The following PHF8 variants were observed in gnomAD, a reference collection of about 807,000 sequenced individuals.
PHF8 encodes histone lysine demethylase PHF8.
In PHF8, 9 loss-of-function variants were observed where a neutral mutation model predicts 74.4. The ratio of observed to expected loss-of-function variants is 0.12; its 90% CI spans 0.07 to 0.21. PHF8 has a LOEUF of 0.21. Ranked by LOEUF, PHF8 falls within the 10% of genes least tolerant of loss-of-function variation. The pLI is 1.00. For missense variants in PHF8, 478 were observed against 816.6 expected (o/e 0.59, Z 5.05); for synonymous variants, 311 against 316.6 (o/e 0.98, Z 0.19).
chrX:53,984,029 G>T (rs1312682038), intron 18 of PHF8, among the ~76,000 whole-genome samples: 1 of 112,370 alleles, frequency 8.9e-6, no homozygotes, highest in Non-Finnish European at 1.9e-5. Flanking sequence ...TTCTAATTTT[G>T]GTCAATAAGC....
chrX:54,032,700 TC>T (rs1330866085), intron 2 of PHF8, among the ~76,000 whole-genome samples: 20 of 109,554 alleles, frequency 1.8e-4, no homozygotes, highest in Admixed American at 9.9e-4. Context: ...CACTGCCGTA[TC>T]CCCCCTCCCC....
chrX:54,042,774 G>A lies in PHF8; in HGVS notation c.-46C>T. ...TTCTGCGGCCGGCCAGGTTCGTCGT[G>A]TCAAGAGGGGCGGGAGGCGGCAGCA... On this transcript the variant is annotated 5_prime_UTR_variant, in exon 2 of 22. Coordinates refer to ENST00000338154, the MANE Select transcript of PHF8 (RefSeq NM_015107.3). 8.4e-7 allele frequency: 1 copy of A among 1,188,159 alleles called. No homozygotes were observed. Among genetic ancestry groups the A allele is most frequent in the Non-Finnish European group, 1.1e-6 (1 of 881,829 alleles).
chrX:54,044,886 T>C, upstream of PHF8: 2 of 1,156,361 alleles, frequency 1.7e-6, no homozygotes, highest in South Asian at 3.8e-5. Flanking sequence ...GCGGCTCCTG[T>C]TCATTGAGCA....
chrX:53,974,159 G>A (rs921144866), intron 18 of PHF8, among the ~76,000 whole-genome samples: 1 of 110,643 alleles, frequency 9.0e-6, no homozygotes, highest in Non-Finnish European at 1.9e-5. Context: ...CCAGCTACTC[G>A]GGAGGCTGAG....
rs782191290 is a variant in PHF8, at chrX:53,960,007, G to C, written c.2539+2837C>G. ...ACGAAAACTATGAGGTTGTCTCTTG[G>C]GAACGGGATTGCAGGTGGGGAAAGT... On this transcript the variant is annotated intron_variant, in intron 19 of 21. Coordinates refer to ENST00000338154, the MANE Select transcript of PHF8 (RefSeq NM_015107.3). 8.4e-4 allele frequency among the ~76,000 whole-genome samples: 93 copies of C among 110,694 alleles called. 1 individual carries two copies. The highest frequency in any genetic ancestry group is 3.0e-3 in the African/African-American group (91 of 30,486).
intron 8 of PHF8, 46 bp from the exon 9 acceptor site, chrX:54,002,728 T>A: frequency 1.2e-6 from 1 of 859,189 alleles, no homozygotes; most frequent in East Asian, 3.1e-5. Flanking sequence ...GGGCCTTTCT[T>A]CCTCTGATTA....
rs190774921 is a variant in PHF8 at position 54,014,366 on chromosome X, C to A, written c.783+11G>T. 3.4e-6 allele frequency: 4 copies of A among 1,189,868 alleles called. No individual in the cohort carries two copies. In the East Asian group the frequency reaches 8.9e-5, roughly 26 times the overall value. Reference sequence around the variant, plus strand: ...GGCCTGGCTGCCTCCAGAAGCCATGCGCATTCCTACCTTGAGTACATGGTA... The same window carrying A: ...GGCCTGGCTGCCTCCAGAAGCCATGAGCATTCCTACCTTGAGTACATGGTA... On this transcript the variant is annotated intron_variant, in intron 7 of 21. Coordinates refer to ENST00000338154, the MANE Select transcript of PHF8 (RefSeq NM_015107.3).
intron 2 of PHF8, among the ~76,000 whole-genome samples, chrX:54,029,725 C>T (rs1165376580): frequency 8.9e-6 from 1 of 111,890 alleles, no homozygotes; most frequent in Non-Finnish European, 1.9e-5. Flanking sequence ...CCCAGTGCCC[C>T]AGGCAGCTAG....
chrX:53,969,540 T>C (rs1433811742), intron 18 of PHF8, among the ~76,000 whole-genome samples: 1 of 111,929 alleles, frequency 8.9e-6, no homozygotes, highest in Non-Finnish European at 1.9e-5. Flanking sequence ...AAAATGTCTA[T>C]ACTACCCAAA....
intron 4 of PHF8, among the ~76,000 whole-genome samples, chrX:54,019,362 C>T (rs1317712376): frequency 8.2e-5 from 9 of 109,521 alleles, no homozygotes; most frequent in African/African-American, 2.7e-4. Context: ...ACCCAGGAAG[C>T]GCAGGTGGGA....
chrX:53,961,078 G>C (rs782770240), intron 19 of PHF8, among the ~76,000 whole-genome samples: 3 of 105,721 alleles, frequency 2.8e-5, no homozygotes, highest in Non-Finnish European at 5.8e-5. Context: ...CTGGAGTGCA[G>C]TGGCATGGTC....
chrX:54,009,224 C>A (rs1236831020), intron 8 of PHF8, among the ~76,000 whole-genome samples: 8 of 111,775 alleles, frequency 7.2e-5, no homozygotes, highest in African/African-American at 2.6e-4. Context: ...TATTAAATAG[C>A]AGTGATGTTG....
chrX:54,006,340 G>A (rs1476785636), intron 8 of PHF8, among the ~76,000 whole-genome samples: 1 of 110,360 alleles, frequency 9.1e-6, no homozygotes, highest in Non-Finnish European at 1.9e-5. Flanking sequence ...AAATCAGCCA[G>A]ACGTGGTAGT....
chrX:53,959,984 G>A (rs1431969159), intron 19 of PHF8, among the ~76,000 whole-genome samples: 1 of 110,083 alleles, frequency 9.1e-6, no homozygotes, highest in Non-Finnish European at 1.9e-5. Flanking sequence ...ACCAGGAAAC[G>A]AAAACTATGA....
Position 53,985,105 on chromosome X carries a change from T to C in PHF8, c.2252A>G (p.Gln751Arg). 1 of 1,210,489 alleles carries C rather than the reference T, an allele frequency of 8.3e-7. No homozygotes were observed. The highest frequency in any genetic ancestry group is 1.8e-5 in the South Asian group (1 of 56,768). ...SSLQAWWTGG[Q>R]DRSSGSSSSG... ...GCTGGAGCTCCCACTGCTTCGATCC[T>C]GTCCCCCAGTCCACCAGGCCTGCAG... Residue 751 changes from glutamine (Q) to arginine (R), a missense_variant, in exon 18 of 22, where the codon CAG becomes CGG. Around this residue, in one of 9 missense-constraint regions of PHF8, gnomAD observed 51 missense variants for 45.8 expected, o/e 1.11. Transcript: ENST00000338154.
rs1569523459 is a variant in PHF8 at position 53,939,026 on chromosome X, G to T, written c.*132C>A. 11 of 1,079,144 alleles carry T rather than the reference G, an allele frequency of 1.0e-5. No individual in the cohort carries two copies. In the East Asian group the frequency reaches 3.3e-4, roughly 32 times the overall value. 88.9% of individuals were successfully genotyped at this position (1,079,144 alleles called of 1,213,427 possible). A position where few individuals can be genotyped will look rare whatever the true frequency, so the allele number is the denominator to read the frequency against. On this transcript the variant is annotated 3_prime_UTR_variant, in exon 22 of 22. Coordinates refer to ENST00000338154, the MANE Select transcript of PHF8 (RefSeq NM_015107.3). ...GTCGGTGGAGGGGTCCGTGCCTTTGGTAAGTCCCAAGAAAGCAGGACAATG... is the reference window on the plus strand; with the variant it reads ...GTCGGTGGAGGGGTCCGTGCCTTTGTTAAGTCCCAAGAAAGCAGGACAATG...
chrX:53,985,172 C>T lies in PHF8; in HGVS notation c.2185G>A (p.Ala729Thr). 1 of 1,204,475 alleles carries T rather than the reference C, an allele frequency of 8.3e-7. No homozygotes were observed. The highest frequency in any genetic ancestry group is 1.1e-6 in the Non-Finnish European group (1 of 891,059). ...QEAIQGMLCM[A>T]NLQSSSSSPA... ...GAGGACGATGAGGACTGCAGGTTGGCCATGCACAGCATGCCCTGGATGGCC... is the reference window on the plus strand; with the variant it reads ...GAGGACGATGAGGACTGCAGGTTGGTCATGCACAGCATGCCCTGGATGGCC... Residue 729 changes from alanine (A) to threonine (T), a missense_variant, in exon 18 of 22, where the codon GCC becomes ACC. Transcript: ENST00000338154.
intron 18 of PHF8, among the ~76,000 whole-genome samples, chrX:53,982,184 G>A (rs2065489498): frequency 8.9e-6 from 1 of 111,919 alleles, no homozygotes; most frequent in African/African-American, 3.2e-5. Flanking sequence ...TAGAGTGGGT[G>A]GCCAGGGGAA....
chrX:53,965,891 T>C (rs2065177335), intron 18 of PHF8, among the ~76,000 whole-genome samples: 1 of 108,072 alleles, frequency 9.3e-6, no homozygotes, highest in South Asian at 4.0e-4. Flanking sequence ...AAAAGGGAAG[T>C]ATGGCCCATT....
Sources: gnomAD v4.1 joint callset for allele counts (sites outside exome capture counted in the v4.1 genomes callset) on GRCh38, gnomAD v4.1.1 for gene constraint, gnomAD v4.1.1 regional missense constraint, MANE v1.5 for transcripts, NCBI Gene and HGNC (gene_info 2026-07-23, HGNC 2026-07-21) for gene names.